Variants in MAP3K20 observed in about 807,000 individuals in gnomAD.
MAP3K20 encodes the protein HCCS-4.
A neutral mutation model predicts 85.7 loss-of-function variants in MAP3K20; 40 were observed. The observed-to-expected ratio is 0.47, with a 90% CI of 0.36 to 0.61. MAP3K20 has a LOEUF of 0.61. Among genes scored for constraint, MAP3K20 ranks in the 20% least tolerant of loss-of-function variants. MAP3K20 has a pLI of 0.00. For missense variants in MAP3K20, 817 were observed against 961.7 expected, an observed-to-expected ratio of 0.85 and a Z score of 1.99; for synonymous variants, 325 against 327.7, an observed-to-expected ratio of 0.99 and a Z score of 0.09.
chr2:173,205,662 A>ATCTT (rs1287752453), intron 9 of MAP3K20, among the ~76,000 whole-genome samples: 1 of 152,046 alleles, frequency 6.6e-6, no homozygotes, highest in African/African-American at 2.4e-5. Context: ...ATGTTGCAAA[A>ATCTT]TCTTTGCTTT....
chr2:173,242,704 T>TC (rs1329125333), intron 16 of MAP3K20, among the ~76,000 whole-genome samples: 3 of 141,930 alleles, frequency 2.1e-5, no homozygotes, highest in African/African-American at 7.8e-5. Flanking sequence ...TCTTTCTTTT[T>TC]TTTTTTTTTT....
chr2:173,163,423 C>T (rs1457570863), intron 2 of MAP3K20, among the ~76,000 whole-genome samples: 1 of 152,188 alleles, frequency 6.6e-6, no homozygotes, highest in East Asian at 1.9e-4. Flanking sequence ...TAATGGCCTC[C>T]AGCTCCATCC....
intron 2 of MAP3K20, among the ~76,000 whole-genome samples, chr2:173,165,099 T>C (rs1689776044): frequency 6.6e-6 from 1 of 152,102 alleles, no homozygotes; most frequent in Non-Finnish European, 1.5e-5. Context: ...GATTCCTCCG[T>C]TTATATCTCA....
At chr2:173,187,104 C>CT (rs1171844076) in intron 4 of MAP3K20, among the ~76,000 whole-genome samples, 2 of 152,186 alleles carry the variant, frequency 1.3e-5, no homozygotes, top group African/African-American at 4.8e-5. Context: ...AGCCAGGTAA[C>CT]CATAGACATC....
chr2:173,206,965 G>A (rs1294788808), intron 9 of MAP3K20, among the ~76,000 whole-genome samples: 2 of 133,552 alleles, frequency 1.5e-5, no homozygotes, highest in Non-Finnish European at 3.1e-5. Context: ...AATTTTTAGA[G>A]TATTAACAAA....
At chr2:173,075,639 A>ACCCCCACGGCCCTC, upstream of MAP3K20, 1 of 646,418 alleles carries the variant, frequency 1.5e-6, no homozygotes, top group Non-Finnish European at 1.9e-6. Flanking sequence ...GAGGGGGAAC[A>ACCCCCACGGCCCTC]CCCCCACGGC....
At position 173,224,046 on chromosome 2, in the gene MAP3K20, T is replaced by C. The variant is rs189948049; in HGVS notation, c.988-5643T>C. 3.7e-5 allele frequency: 36 copies of C among 975,224 alleles called. No homozygotes were observed. The African/African-American group carries it at 5.9e-4, about 16-fold the overall frequency. The allele number at this position is 975,224 out of a possible 1,614,324, so 60.4% of individuals were successfully genotyped here. On this transcript the variant is annotated intron_variant, in intron 11 of 19. Transcript: ENST00000375213. ...TGGAAGATAGCTAGATGAAAATCTT[T>C]GCACTCACAGAGCTTACATGCCAGT... is the stretch of plus-strand genomic sequence containing the variant.
intron 2 of MAP3K20, among the ~76,000 whole-genome samples, chr2:173,095,521 G>A (rs1035281504): frequency 6.6e-6 from 1 of 152,170 alleles, no homozygotes; most frequent in African/African-American, 2.4e-5. Flanking sequence ...CTACATCTGT[G>A]ATACACTGCT....
At chr2:173,118,658 A>C (rs1323077947) in intron 2 of MAP3K20, among the ~76,000 whole-genome samples, 1 of 152,212 alleles carries the variant, frequency 6.6e-6, no homozygotes. Flanking sequence ...GTATTTGGCA[A>C]GGAGATTTCC....
chr2:173,158,852 CGTT>C (rs1411913124), intron 2 of MAP3K20, among the ~76,000 whole-genome samples: 2 of 152,222 alleles, frequency 1.3e-5, no homozygotes, highest in Non-Finnish European at 2.9e-5. Context: ...GCAGAGCCAA[CGTT>C]GTAATGAAGC....
chr2:173,117,105 TAATTTTAATTAGCATTTAACA>T (rs1252113368), intron 2 of MAP3K20, among the ~76,000 whole-genome samples: 4 of 152,244 alleles, frequency 2.6e-5, no homozygotes, highest in Admixed American at 6.5e-5. Flanking sequence ...ATGTAGTGTA[TAATTTTAATTAGCATTTAACA>T]ATGCAATCAA....
rs551827187 is a variant in MAP3K20 at position 173,165,370 on chromosome 2, T to A, written c.160-4435T>A. 3.7e-4 allele frequency among the ~76,000 whole-genome samples: 57 copies of A among 152,176 alleles called. 1 individual carries two copies. Among genetic ancestry groups the A allele is most frequent in the Middle Eastern group, 3.4e-3 (1 of 294 alleles). ...ATGCAGATGTTGCAGTGAGTGGAGA[T>A]TGCACCACTGTACTCCAGCCTGGGC... On this transcript the variant is annotated intron_variant, in intron 2 of 19. Coordinates refer to ENST00000375213, the MANE Select transcript of MAP3K20 (RefSeq NM_016653.3).
chr2:173,089,792 C>T (rs1038931675), intron 1 of MAP3K20, among the ~76,000 whole-genome samples: 11 of 152,086 alleles, frequency 7.2e-5, no homozygotes, highest in Non-Finnish European at 1.0e-4. Context: ...AGGCTGGTCT[C>T]GAACTCCTGA....
At chr2:173,256,511 AG>A (rs1685164572) in intron 16 of MAP3K20, among the ~76,000 whole-genome samples, 1 of 150,246 alleles carries the variant, frequency 6.7e-6, no homozygotes, top group African/African-American at 2.5e-5. Context: ...ATAGATAGAT[AG>A]ATAGATAGAT....
intron 2 of MAP3K20, among the ~76,000 whole-genome samples, chr2:173,129,320 C>T (rs1688540976): frequency 6.6e-6 from 1 of 152,112 alleles, no homozygotes; most frequent in Non-Finnish European, 1.5e-5. Flanking sequence ...TAAGCTCTTG[C>T]ATGCATTATT....
At position 173,116,626 on chromosome 2, in the gene MAP3K20, G is replaced by A. The variant is rs146113476; in HGVS notation, c.159+25436G>A. The stretch of plus-strand genomic sequence containing the variant: ...CATCTGGCAAACAATCCCACCTTGC[G>A]TGTCTTTATCACCTGCCTTGGTTAC... On this transcript the variant is annotated intron_variant, in intron 2 of 19. Coordinates refer to ENST00000375213, the MANE Select transcript of MAP3K20 (RefSeq NM_016653.3). Among the ~76,000 whole-genome samples, 680 of 152,208 alleles carry A rather than the reference G, an allele frequency of 4.5e-3. 3 individuals carry two copies. The highest frequency in any genetic ancestry group is 6.8e-3 in the Non-Finnish European group (464 of 68,010).
chr2:173,176,807 A>G (rs1275245836), intron 3 of MAP3K20, among the ~76,000 whole-genome samples: 1 of 152,248 alleles, frequency 6.6e-6, no homozygotes, highest in African/African-American at 2.4e-5. Context: ...CAAGAGACAT[A>G]TCGTAGATTC....
intron 2 of MAP3K20, among the ~76,000 whole-genome samples, chr2:173,142,693 G>GA (rs1339765685): frequency 6.6e-6 from 1 of 151,692 alleles, no homozygotes; most frequent in Non-Finnish European, 1.5e-5. Context: ...GATATACTAA[G>GA]AAAAAAATTG....
chr2:173,141,579 T>C (rs1358731049), intron 2 of MAP3K20, among the ~76,000 whole-genome samples: 3 of 152,132 alleles, frequency 2.0e-5, no homozygotes, highest in Non-Finnish European at 4.4e-5. Flanking sequence ...TGAGACAATG[T>C]CAATCTAATA....
Sources: gnomAD v4.1 joint callset for allele counts (sites outside exome capture counted in the v4.1 genomes callset) on GRCh38, gnomAD v4.1.1 for gene constraint, MANE v1.5 for transcripts, NCBI Gene and HGNC (gene_info 2026-07-23, HGNC 2026-07-21) for gene names.